Variants in MMS22L observed in about 807,000 individuals in gnomAD.
The protein encoded by MMS22L is protein MMS22-like.
In MMS22L, 74 loss-of-function variants were observed where a neutral mutation model predicts 159.1. That is an observed-to-expected ratio of 0.47 (90% CI 0.39 to 0.56). The LOEUF (loss-of-function observed/expected upper bound fraction) is 0.56, where lower values mean the gene tolerates loss of function less well. Among genes scored for constraint, MMS22L ranks in the 20% least tolerant of loss-of-function variants. The probability of loss-of-function intolerance (pLI) is 0.00; values close to 1 mark genes in which losing one functional copy is unlikely to be tolerated. For synonymous variants in MMS22L, 517 were observed against 506.9 expected (o/e 1.02, Z -0.27); for missense variants, 1,351 against 1,422.1 (o/e 0.95, Z 0.80).
At chr6:97,223,879 C>T (rs560368629) in intron 14 of MMS22L, among the ~76,000 whole-genome samples, 2 of 152,128 alleles carry the variant, frequency 1.3e-5, no homozygotes, top group Non-Finnish European at 2.9e-5. Context: ...ACCTAAAATA[C>T]AACAGCATTA....
intron 14 of MMS22L, among the ~76,000 whole-genome samples, chr6:97,187,338 A>G (rs1210431197): frequency 6.6e-6 from 1 of 152,214 alleles, no homozygotes; most frequent in Non-Finnish European, 1.5e-5. Context: ...GATTAATTCA[A>G]TCGAAAATTT....
rs74778919 is a variant in MMS22L, at chr6:97,208,576, T to C, written c.2039+20318A>G. 3.0e-3 allele frequency among the ~76,000 whole-genome samples: 458 copies of C among 152,096 alleles called. 1 individual carries two copies. Among genetic ancestry groups the C allele is most frequent in the African/African-American group, 0.011 (446 of 41,522 alleles). On this transcript the variant is annotated intron_variant, in intron 14 of 24. Transcript: ENST00000683635. ...AACCCTTAATAGGGGAAACTGTATATTTCACTTACACCCGAAAGGAAATAA... is the reference window on the plus strand; with the variant it reads ...AACCCTTAATAGGGGAAACTGTATACTTCACTTACACCCGAAAGGAAATAA...
In MMS22L at chr6:97,153,726, A is replaced by T. The variant is rs543652024; in HGVS notation, c.3386-1859T>A. Among the ~76,000 whole-genome samples the T allele has an allele frequency of 2.0e-5, 3 of 152,248 alleles. No homozygotes were observed. In the South Asian group the frequency reaches 6.2e-4, roughly 32 times the overall value. ...TTTCAAATAAATGAAATAATATGTG[A>T]CTTTTGTGACTGGCTTCTTTCACTG... On this transcript the variant is annotated intron_variant, in intron 22 of 24. Coordinates refer to ENST00000683635, the MANE Select transcript of MMS22L (RefSeq NM_001350599.2).
intron 8 of MMS22L, chr6:97,264,168 A>G (rs1814821962): frequency 6.6e-6 from 1 of 152,192 alleles, no homozygotes; most frequent in African/African-American, 2.4e-5. Flanking sequence ...CTATATTTAC[A>G]AAAATAGGTA....
chr6:97,203,926 ATAT>A lies in MMS22L; in HGVS notation c.2040-17239_2040-17237del, dbSNP rs1435734727. Among the ~76,000 whole-genome samples, 3 of 152,340 alleles carry A rather than the reference ATAT, an allele frequency of 2.0e-5. No individual in the cohort carries two copies. In the East Asian group the frequency reaches 5.8e-4, roughly 29 times the overall value. On this transcript the variant is annotated intron_variant, in intron 14 of 24. Transcript: ENST00000683635. ...GTACTTAGCTCATTATATTTAATGC[ATAT>A]TAACAAGTAAACAATATATGATGCT... is the stretch of plus-strand genomic sequence containing the variant.
At chr6:97,222,115 T>C (rs1809721311) in intron 14 of MMS22L, among the ~76,000 whole-genome samples, 1 of 152,006 alleles carries the variant, frequency 6.6e-6, no homozygotes, top group South Asian at 2.1e-4. Flanking sequence ...CCCAGTTCTC[T>C]TACAGAAGCA....
chr6:97,222,760 G>C (rs543354413), intron 14 of MMS22L, among the ~76,000 whole-genome samples: 77 of 152,124 alleles, frequency 5.1e-4, no homozygotes, highest in Admixed American at 1.8e-3. Flanking sequence ...TTTTTGCCCA[G>C]AGCTAATTTT....
At chr6:97,186,858 T>C (rs1405168839) in intron 14 of MMS22L, among the ~76,000 whole-genome samples, 168 bp from the exon 15 acceptor site, 6 of 152,240 alleles carry the variant, frequency 3.9e-5, no homozygotes, top group Non-Finnish European at 8.8e-5. Flanking sequence ...GGATGAATGA[T>C]GGCATATTAA....
At chr6:97,169,106 T>C (rs1022600245) in intron 19 of MMS22L, among the ~76,000 whole-genome samples, 1 of 152,088 alleles carries the variant, frequency 6.6e-6, no homozygotes, top group Non-Finnish European at 1.5e-5. Flanking sequence ...TTAACCTCCA[T>C]GAACTTCAGT....
intron 16 of MMS22L, among the ~76,000 whole-genome samples, chr6:97,180,494 T>G (rs1304372171): frequency 6.6e-6 from 1 of 152,110 alleles, no homozygotes; most frequent in African/African-American, 2.4e-5. Flanking sequence ...TGTCCAAAAT[T>G]TTTAAAATTC....
intron 15 of MMS22L, among the ~76,000 whole-genome samples, chr6:97,185,016 C>T (rs1354106972): frequency 6.6e-6 from 1 of 152,140 alleles, no homozygotes; most frequent in Non-Finnish European, 1.5e-5. Flanking sequence ...CTCAAACACA[C>T]CAGACATGTT....
chr6:97,195,972 G>C (rs562890887), intron 14 of MMS22L, among the ~76,000 whole-genome samples: 10 of 152,270 alleles, frequency 6.6e-5, no homozygotes, highest in Non-Finnish European at 1.5e-4. Flanking sequence ...TGAAAGTTAC[G>C]AGGGACAGTT....
intron 11 of MMS22L, among the ~76,000 whole-genome samples, chr6:97,237,567 C>T (rs2128015884): frequency 6.6e-6 from 1 of 152,230 alleles, no homozygotes; most frequent in South Asian, 2.1e-4. Flanking sequence ...TCTAAGAGCT[C>T]TCTGAAAGAT....
chr6:97,182,629 T>C (rs1031278910), intron 15 of MMS22L, among the ~76,000 whole-genome samples: 2 of 152,196 alleles, frequency 1.3e-5, no homozygotes, highest in African/African-American at 4.8e-5. Context: ...AAACTCATTT[T>C]GTATGATATT....
At chr6:97,223,398 A>T (rs761026478) in intron 14 of MMS22L, among the ~76,000 whole-genome samples, 1 of 152,062 alleles carries the variant, frequency 6.6e-6, no homozygotes, top group Admixed American at 6.6e-5. Context: ...TCATCAATCT[A>T]TATAATCCAT....
chr6:97,234,005 G>T (rs556118138), intron 11 of MMS22L, 25 bp from the exon 12 acceptor site: 1 of 1,601,368 alleles, frequency 6.2e-7, no homozygotes, highest in Non-Finnish European at 8.5e-7. Context: ...GAAGTTATGA[G>T]AAGGTAAATG....
intron 14 of MMS22L, among the ~76,000 whole-genome samples, chr6:97,208,225 C>G (rs1250929424): frequency 1.3e-5 from 2 of 152,026 alleles, no homozygotes; most frequent in Admixed American, 6.6e-5. Flanking sequence ...TTAAAAATTA[C>G]TTTGGCATTT....
intron 10 of MMS22L, among the ~76,000 whole-genome samples, chr6:97,248,517 C>T (rs186514599): frequency 3.9e-5 from 6 of 152,108 alleles, no homozygotes; most frequent in Admixed American, 3.3e-4. Flanking sequence ...AAAATGAATG[C>T]AAAAAAGCAT....
intron 21 of MMS22L, among the ~76,000 whole-genome samples, chr6:97,164,943 A>T (rs951581168): frequency 6.6e-6 from 1 of 152,138 alleles, no homozygotes; most frequent in African/African-American, 2.4e-5. Context: ...TGTTTTATAC[A>T]GTATAAAATA....
Sources: allele counts gnomAD v4.1 joint callset (sites outside exome capture counted in the v4.1 genomes callset), GRCh38; gene constraint gnomAD v4.1.1; transcripts MANE v1.5; gene names NCBI Gene and HGNC (gene_info 2026-07-23, HGNC 2026-07-21).